NRXN3: variants seen among roughly 807,000 people sequenced by gnomAD.
The protein encoded by NRXN3 is neurexin III.
NRXN3 carries 32 observed loss-of-function variants against 137.6 expected under a neutral mutation model. That is an observed-to-expected ratio of 0.23 (90% confidence interval 0.18 to 0.31). The LOEUF is 0.31. Among genes scored for constraint, NRXN3 ranks in the 10% least tolerant of loss-of-function variants. The pLI, the probability that NRXN3 is intolerant of heterozygous loss-of-function variation, is 1.00. For missense variants in NRXN3, 1,574 were observed against 2,062.5 expected (o/e 0.76, Z 4.59); for synonymous variants, 798 against 784.5 (o/e 1.02, Z -0.29).
At chr14:78,931,507 G>T (rs2099321860) in intron 10 of NRXN3, among the ~76,000 whole-genome samples, 1 of 152,140 alleles carries the variant, frequency 6.6e-6, no homozygotes, top group South Asian at 2.1e-4. Context: ...GTGAGGAAAA[G>T]AAGCCAGCAT....
chr14:79,789,672 C>T (rs902711065), intron 19 of NRXN3, among the ~76,000 whole-genome samples: 1 of 152,152 alleles, frequency 6.6e-6, no homozygotes, highest in Non-Finnish European at 1.5e-5. Context: ...TGTTATGTCG[C>T]TAATGAGAGT....
chr14:78,283,907 A>G (rs1439813434), intron 3 of NRXN3, among the ~76,000 whole-genome samples: 1 of 152,002 alleles, frequency 6.6e-6, no homozygotes, highest in African/African-American at 2.4e-5. Context: ...TTATTAAACA[A>G]AAGTTTGCCA....
At chr14:78,620,707 TTACTA>T (rs1171688104) in intron 4 of NRXN3, among the ~76,000 whole-genome samples, 1 of 152,232 alleles carries the variant, frequency 6.6e-6, no homozygotes, top group East Asian at 1.9e-4. Flanking sequence ...TGTTGAGTGT[TTACTA>T]TAGGCTCTGA....
At chr14:78,604,319 T>C (rs1439137277) in intron 4 of NRXN3, among the ~76,000 whole-genome samples, 1 of 151,592 alleles carries the variant, frequency 6.6e-6, no homozygotes, top group Non-Finnish European at 1.5e-5. Flanking sequence ...TTTTTTTTGA[T>C]TTACAAGTAT....
chr14:78,892,729 A>G (rs917493316), intron 10 of NRXN3, among the ~76,000 whole-genome samples: 1 of 151,264 alleles, frequency 6.6e-6, no homozygotes, highest in African/African-American at 2.4e-5. Flanking sequence ...CTATTCTGAC[A>G]CAGCAGGCAA....
At chr14:79,810,442 C>G (rs2099227833) in intron 20 of NRXN3, among the ~76,000 whole-genome samples, 1 of 152,182 alleles carries the variant, frequency 6.6e-6, no homozygotes, top group Non-Finnish European at 1.5e-5. Flanking sequence ...TGCTAAGCAG[C>G]TTTCATAATG....
intron 15 of NRXN3, among the ~76,000 whole-genome samples, chr14:79,044,659 T>G (rs994294908): frequency 2.0e-5 from 3 of 151,572 alleles, no homozygotes; most frequent in African/African-American, 7.3e-5. Flanking sequence ...TACCAAATAC[T>G]TCCCATGGTT....
chr14:78,396,176 C>G (rs2091435628), intron 4 of NRXN3, among the ~76,000 whole-genome samples: 1 of 151,892 alleles, frequency 6.6e-6, no homozygotes, highest in South Asian at 2.1e-4. Flanking sequence ...ATTACACACA[C>G]ATGCCACACA....
chr14:78,939,134 C>T (rs1411743441), intron 10 of NRXN3, among the ~76,000 whole-genome samples: 2 of 151,910 alleles, frequency 1.3e-5, no homozygotes, highest in East Asian at 3.9e-4. Flanking sequence ...CGTGAGCCAC[C>T]GCGCCCGGCC....
intron 16 of NRXN3, among the ~76,000 whole-genome samples, chr14:79,527,167 G>A (rs10132520): frequency 6.6e-6 from 1 of 151,744 alleles, no homozygotes; most frequent in African/African-American, 2.4e-5. Flanking sequence ...GGTGGCAGAA[G>A]CCTGTAATCC....
chr14:79,806,962 ATTTTTTTTTTTTTT>A (rs35028709), intron 20 of NRXN3, among the ~76,000 whole-genome samples: 8 of 26,360 alleles, frequency 3.0e-4, no homozygotes, highest in East Asian at 1.9e-3. Flanking sequence ...ATATATATAT[ATTTTTTTTTTTTTT>A]TTTTTTTTTT....
At chr14:78,957,955 C>T (rs2099400061) in intron 11 of NRXN3, among the ~76,000 whole-genome samples, 1 of 152,082 alleles carries the variant, frequency 6.6e-6, no homozygotes, top group African/African-American at 2.4e-5. Context: ...GTGGGATTTA[C>T]ATTTAGAATG....
At chr14:79,382,677 A>G (rs1316261473) in intron 15 of NRXN3, among the ~76,000 whole-genome samples, 2 of 152,130 alleles carry the variant, frequency 1.3e-5, no homozygotes, top group African/African-American at 2.4e-5. Context: ...AAAGATACAA[A>G]GAGACTAGGG....
intron 4 of NRXN3, among the ~76,000 whole-genome samples, chr14:78,515,009 T>C (rs537587062): frequency 6.6e-6 from 1 of 152,284 alleles, no homozygotes; most frequent in African/African-American, 2.4e-5. Context: ...TCAGGTCTGG[T>C]CCTACTATTG....
At chr14:79,637,865 G>A (rs949241646) in intron 16 of NRXN3, among the ~76,000 whole-genome samples, 1 of 150,878 alleles carries the variant, frequency 6.6e-6, no homozygotes, top group South Asian at 2.1e-4. Flanking sequence ...GAGTATCTGG[G>A]ATTACAGGTG....
At chr14:78,620,102 G>A (rs1269045006) in intron 4 of NRXN3, among the ~76,000 whole-genome samples, 1 of 152,102 alleles carries the variant, frequency 6.6e-6, no homozygotes, top group Non-Finnish European at 1.5e-5. Flanking sequence ...GGTGAAACAG[G>A]GCTAGGAGTT....
chr14:79,468,496 T>C (rs2096458674), intron 16 of NRXN3, among the ~76,000 whole-genome samples: 3 of 152,182 alleles, frequency 2.0e-5, no homozygotes. Flanking sequence ...AAAGATCAAC[T>C]GGGGATTACT....
At chr14:79,734,241 G>T (rs1338154811) in intron 19 of NRXN3, among the ~76,000 whole-genome samples, 1 of 152,118 alleles carries the variant, frequency 6.6e-6, no homozygotes, top group Non-Finnish European at 1.5e-5. Context: ...GATAATGGAG[G>T]ATCCAATTCT....
intron 15 of NRXN3, among the ~76,000 whole-genome samples, chr14:79,454,947 CA>C (rs569299571): frequency 7.9e-5 from 12 of 152,132 alleles, no homozygotes; most frequent in East Asian, 7.7e-4. Flanking sequence ...AAATGCTATT[CA>C]AAAAATGTTT....
Sources: gnomAD v4.1 joint callset for allele counts (sites outside exome capture counted in the v4.1 genomes callset) on GRCh38, gnomAD v4.1.1 for gene constraint, MANE v1.5 for transcripts, NCBI Gene and HGNC (gene_info 2026-07-23, HGNC 2026-07-21) for gene names.